The following C18orf54 variants were observed in gnomAD, a reference collection of about 807,000 sequenced individuals.
The protein encoded by C18orf54 is lung adenoma susceptibility protein 2.
In C18orf54, 49 loss-of-function variants were observed where a neutral mutation model predicts 49.3. The ratio of observed to expected loss-of-function variants is 0.99; its 90% CI spans 0.79 to 1.26. C18orf54 has a LOEUF of 1.26. Among genes scored for constraint, C18orf54 ranks in the 50% most tolerant of loss-of-function variants. The probability of loss-of-function intolerance (pLI) is 0.00; values close to 1 mark genes in which losing one functional copy is unlikely to be tolerated. For synonymous variants in C18orf54, 211 were observed against 216.6 expected, an observed-to-expected ratio of 0.97 and a Z score of 0.23; for missense variants, 687 against 620.6, an observed-to-expected ratio of 1.11 and a Z score of -1.14.
At position 54,379,312 on chromosome 18, in the gene C18orf54, A is replaced by G. The variant is rs2089627712; in HGVS notation, c.*1066A>G. On this transcript the variant is annotated 3_prime_UTR_variant, in exon 9 of 9. Coordinates refer to ENST00000620105, the MANE Select transcript of C18orf54 (RefSeq NM_001288980.2). The stretch of plus-strand genomic sequence containing the variant: ...TTACTGCCTGACAAAATTAAAGAGT[A>G]CTGTGTGTATGTATAACTACTACAG... 6.6e-6 allele frequency: 1 copy of G among 152,130 alleles called. No homozygotes were observed. Among genetic ancestry groups the G allele is most frequent in the Non-Finnish European group, 1.5e-5 (1 of 67,948 alleles). The allele number at this position is 152,130 out of a possible 1,614,324, so 9.4% of individuals were successfully genotyped here.
At chr18:54,366,381 T>G (rs994008514) in intron 6 of C18orf54, among the ~76,000 whole-genome samples, 1 of 152,020 alleles carries the variant, frequency 6.6e-6, no homozygotes, top group South Asian at 2.1e-4. Flanking sequence ...AGAACTATGA[T>G]ATTTATCTTT....
chr18:54,376,461 A>G (rs1189815523), intron 8 of C18orf54, among the ~76,000 whole-genome samples: 10 of 149,278 alleles, frequency 6.7e-5, no homozygotes, highest in Admixed American at 6.0e-4. Flanking sequence ...GGCCTTCCAA[A>G]GTGCTGGGAT....
chr18:54,371,776 G>A (rs373493761), intron 6 of C18orf54, among the ~76,000 whole-genome samples: 16 of 152,092 alleles, frequency 1.1e-4, no homozygotes, highest in African/African-American at 3.9e-4. Context: ...ACAGACATCT[G>A]TACAGTCCTA....
chr18:54,359,067 A>T (rs909130841), intron 2 of C18orf54, among the ~76,000 whole-genome samples, 197 bp downstream of exon 2: 4 of 152,216 alleles, frequency 2.6e-5, no homozygotes, highest in Admixed American at 2.6e-4. Flanking sequence ...GAAAAGTTGG[A>T]AAACTTTTCA....
rs1230274353 is a variant in C18orf54, at chr18:54,358,087, G to A, written c.-144+12G>A. 6.5e-6 allele frequency: 1 copy of A among 152,806 alleles called. No homozygotes were observed. Among genetic ancestry groups the A allele is most frequent in the East Asian group, 1.9e-4 (1 of 5,212 alleles). 9.5% of individuals were successfully genotyped at this position (152,806 alleles called of 1,614,324 possible). On this transcript the variant is annotated intron_variant, in intron 1 of 8. Coordinates refer to ENST00000620105, the MANE Select transcript of C18orf54 (RefSeq NM_001288980.2). ...AGAGCTGTGGAAGTGTGCGGTTTTT[G>A]TTTTTGTTTTCCTTTATTTTTATTT...
chr18:54,380,510 A>C lies in C18orf54; in HGVS notation c.*2264A>C, dbSNP rs896196162. 6.2e-4 allele frequency: 94 copies of C among 152,188 alleles called. No individual in the cohort carries two copies. The highest frequency in any genetic ancestry group is 1.5e-3 in the Admixed American group (23 of 15,286). The allele number at this position is 152,188 out of a possible 1,614,324, so 9.4% of individuals were successfully genotyped here. ...ATGGTGTGACCAATATGAAGGGTCA[A>C]GACTGAAATGTATTGTCTTTACTAT... On this transcript the variant is annotated 3_prime_UTR_variant, in exon 9 of 9. Transcript: ENST00000620105.
At chr18:54,377,025 T>TA (rs55924112) in intron 8 of C18orf54, among the ~76,000 whole-genome samples, 19 of 151,502 alleles carry the variant, frequency 1.3e-4, no homozygotes, top group East Asian at 7.8e-4. Context: ...GTTTTTTTTT[T>TA]AAATTTAATT....
At chr18:54,371,674 C>T (rs760181715) in intron 6 of C18orf54, among the ~76,000 whole-genome samples, 1 of 152,044 alleles carries the variant, frequency 6.6e-6, no homozygotes, top group Non-Finnish European at 1.5e-5. Context: ...TACTGCTTAC[C>T]TTGAGTATAT....
Position 54,374,207 on chromosome 18 carries a change from A to G in C18orf54, c.1459-7A>G. On this transcript the variant is annotated splice_region_variant and splice_polypyrimidine_tract_variant and intron_variant, in intron 7 of 8. Coordinates refer to ENST00000620105, the MANE Select transcript of C18orf54 (RefSeq NM_001288980.2). ...TATTTTGTTATATTTGGTGTTTTTA[A>G]TAATAGGTTTCAGAAGATGATTTCT... 1 of 1,555,618 alleles carries G rather than the reference A, an allele frequency of 6.4e-7. No individual in the cohort carries two copies. Among genetic ancestry groups the G allele is most frequent in the Non-Finnish European group, 8.7e-7 (1 of 1,149,760 alleles).
intron 7 of C18orf54, among the ~76,000 whole-genome samples, chr18:54,373,166 A>G (rs1388441599): frequency 1.3e-5 from 2 of 151,852 alleles, no homozygotes; most frequent in Non-Finnish European, 3.0e-5. Flanking sequence ...CCACAAAAGT[A>G]TAGTGTTTAA....
rs748127154 is a variant in C18orf54, at chr18:54,381,642, TTTATC to T, written c.*3398_*3402del. ...GCATGAAATACTCAATTTTTATTCT[TTTATC>T]TAACGCTTACTCTTACATTTCTTTA... is the stretch of plus-strand genomic sequence containing the variant. On this transcript the variant is annotated 3_prime_UTR_variant, in exon 9 of 9. Coordinates refer to ENST00000620105, the MANE Select transcript of C18orf54 (RefSeq NM_001288980.2). 1 of 152,212 alleles carries T rather than the reference TTTATC, an allele frequency of 6.6e-6. No homozygotes were observed. Among genetic ancestry groups the T allele is most frequent in the African/African-American group, 2.4e-5 (1 of 41,448 alleles). 9.4% of individuals were successfully genotyped at this position (152,212 alleles called of 1,614,324 possible). A position where few individuals can be genotyped will look rare whatever the true frequency, so the allele number is the denominator to read the frequency against.
Position 54,374,254 on chromosome 18 carries a change from G to C in C18orf54, c.1499G>C (p.Ser500Thr). ...TTCTCTAAATTACAGTTGAAGGAAA[G>C]TATGATTCCTATTACTAGGTCACTT... Reference protein sequence around the residue: ...DDFSKLQLKESMIPITRSLQK... With the variant: ...DDFSKLQLKETMIPITRSLQK... Residue 500 changes from serine to threonine, a missense_variant, in exon 8 of 9, where the codon AGT becomes ACT. Coordinates refer to ENST00000620105, the MANE Select transcript of C18orf54 (RefSeq NM_001288980.2). The C allele has an allele frequency of 1.3e-6, 2 of 1,584,906 alleles. No homozygotes were observed. The highest frequency in any genetic ancestry group is 1.7e-6 in the Non-Finnish European group (2 of 1,164,538).
chr18:54,370,154 T>C (rs1292169777), intron 6 of C18orf54, among the ~76,000 whole-genome samples: 1 of 151,874 alleles, frequency 6.6e-6, no homozygotes, highest in Non-Finnish European at 1.5e-5. Context: ...GCGGGCGCCT[T>C]TAGTCCCAGC....
chr18:54,359,897 A>T (rs1460108748), intron 2 of C18orf54, among the ~76,000 whole-genome samples: 2 of 152,166 alleles, frequency 1.3e-5, no homozygotes, highest in Non-Finnish European at 2.9e-5. Flanking sequence ...GAAAATAGGG[A>T]GGGTGGTACC....
At chr18:54,362,737 T>C in intron 4 of C18orf54, 34 bp from the exon 5 acceptor site, 6 of 1,564,594 alleles carry the variant, frequency 3.8e-6, no homozygotes, top group Non-Finnish European at 5.2e-6. Context: ...TTAATTTTTT[T>C]CTTCAAGGAT....
intron 8 of C18orf54, among the ~76,000 whole-genome samples, chr18:54,377,672 C>T (rs1271436110): frequency 6.6e-6 from 1 of 152,086 alleles, no homozygotes; most frequent in East Asian, 1.9e-4. Context: ...GCAGCTTCCC[C>T]TATGATCAAT....
intron 4 of C18orf54, 133 bp downstream of exon 4, chr18:54,362,564 A>G (rs895811551): frequency 1.1e-6 from 1 of 917,712 alleles, no homozygotes; most frequent in Non-Finnish European, 1.6e-6. Flanking sequence ...TGGAATGCTT[A>G]TAATCTTCAC....
rs1297256445 is a variant in C18orf54 at position 54,358,870 on chromosome 18, G to GTT, written c.-47_-47+1insTT. The GTT allele has an allele frequency of 6.6e-5, 10 of 150,726 alleles. 5 individuals carry two copies. The East Asian group carries it at 1.9e-3, about 29-fold the overall frequency. The allele number at this position is 150,726 out of a possible 1,614,324, so 9.3% of individuals were successfully genotyped here. On this transcript the variant is annotated splice_region_variant and 5_prime_UTR_variant. An upstream open reading frame in the 5' UTR gains an earlier in-frame stop. Coordinates refer to ENST00000620105, the MANE Select transcript of C18orf54 (RefSeq NM_001288980.2). ...GAACTGAAGCCTGTACGGAGGAAATGGTAAGATATATGGGATTTGCATGAG... is the reference window on the plus strand; with the variant it reads ...GAACTGAAGCCTGTACGGAGGAAATGTTGTAAGATATATGGGATTTGCATGAG...
At position 54,379,302 on chromosome 18, in the gene C18orf54, A is replaced by ATT. The variant is rs1443614588; in HGVS notation, c.*1057_*1058dup. ...ATACAGCACATTACTGCCTGACAAA[A>ATT]TTAAAGAGTACTGTGTGTATGTATA... On this transcript the variant is annotated 3_prime_UTR_variant, in exon 9 of 9. Coordinates refer to ENST00000620105, the MANE Select transcript of C18orf54 (RefSeq NM_001288980.2). 6.6e-6 allele frequency: 1 copy of ATT among 152,108 alleles called. No homozygotes were observed. The highest frequency in any genetic ancestry group is 1.5e-5 in the Non-Finnish European group (1 of 67,958). 9.4% of individuals were successfully genotyped at this position (152,108 alleles called of 1,614,324 possible). A position where few individuals can be genotyped will look rare whatever the true frequency, so the allele number is the denominator to read the frequency against.
Sources: allele counts gnomAD v4.1 joint callset (sites outside exome capture counted in the v4.1 genomes callset), GRCh38; gene constraint gnomAD v4.1.1; transcripts MANE v1.5; gene names NCBI Gene and HGNC (gene_info 2026-07-23, HGNC 2026-07-21).